Variants in UMAD1 observed in about 807,000 individuals in gnomAD.
The protein encoded by UMAD1 is UBAP1-MVB12-associated (UMA)-domain containing protein 1.
Under a neutral mutation model 6.1 loss-of-function variants are expected in UMAD1, and 8 were observed. That is an observed-to-expected ratio of 1.30 (90% CI 0.76 to 2.35). The LOEUF is 2.35. Among genes scored for constraint, UMAD1 ranks in the 30% most tolerant of loss-of-function variants. UMAD1 has a pLI of 0.00. For missense variants in UMAD1, 130 were observed against 78.4 expected, an observed-to-expected ratio of 1.66 and a Z score of -2.49; for synonymous variants, 56 against 31.4, an observed-to-expected ratio of 1.78 and a Z score of -2.61.
Position 7,849,039 on chromosome 7 carries a change from G to T in UMAD1, c.157-28242G>T, listed in dbSNP as rs1418378240. Reference sequence around the variant, plus strand: ...AAATATTTCCCTTATGTTGAAATTTGGGATAATGCTGAGTATGATGGACTT... The same window carrying T: ...AAATATTTCCCTTATGTTGAAATTTTGGATAATGCTGAGTATGATGGACTT... On this transcript the variant is annotated intron_variant, in intron 3 of 3. Coordinates refer to ENST00000682710, the MANE Select transcript of UMAD1 (RefSeq NM_001302348.2). 3.9e-5 allele frequency among the ~76,000 whole-genome samples: 6 copies of T among 152,054 alleles called. No individual in the cohort carries two copies. In the South Asian group the frequency reaches 8.3e-4, roughly 21 times the overall value.
intron 2 of UMAD1, chr7:7,740,829 C>G (rs1781448550): frequency 6.6e-6 from 1 of 152,132 alleles, no homozygotes; most frequent in Admixed American, 6.5e-5. Flanking sequence ...CTCCTTTTCT[C>G]TTTTAACCCA....
chr7:7,865,456 C>A (rs1051494512), intron 3 of UMAD1, among the ~76,000 whole-genome samples: 10 of 152,170 alleles, frequency 6.6e-5, no homozygotes, highest in Non-Finnish European at 1.3e-4. Context: ...CTCAGCCTAC[C>A]TCCTTGGGGA....
chr7:7,766,093 A>G (rs1435046940), intron 2 of UMAD1, among the ~76,000 whole-genome samples: 7 of 152,194 alleles, frequency 4.6e-5, no homozygotes, highest in Admixed American at 1.3e-4. Context: ...TAGAACCGAA[A>G]TGTAGCAGTT....
chr7:7,642,467 TGA>T (rs1784996606), intron 1 of UMAD1, among the ~76,000 whole-genome samples: 1 of 38,890 alleles, frequency 2.6e-5, no homozygotes, highest in African/African-American at 9.5e-5. Flanking sequence ...CCTGTAATAG[TGA>T]TTTTTTTTTT....
intron 2 of UMAD1, among the ~76,000 whole-genome samples, chr7:7,769,259 T>C (rs2115240856): frequency 6.6e-6 from 1 of 152,214 alleles, no homozygotes; most frequent in East Asian, 1.9e-4. Context: ...CTTCTGTCAA[T>C]TAGGGAGACT....
chr7:7,684,112 A>G (rs1779981981), intron 2 of UMAD1, among the ~76,000 whole-genome samples: 1 of 152,200 alleles, frequency 6.6e-6, no homozygotes, highest in Admixed American at 6.5e-5. Context: ...AAAATACCTA[A>G]TGCAATGTAA....
At chr7:7,641,654 G>A (rs1784977067) in intron 1 of UMAD1, 1 of 152,146 alleles carries the variant, frequency 6.6e-6, no homozygotes, top group African/African-American at 2.4e-5. Flanking sequence ...CGAAGCCGGC[G>A]GCCTTGCCAG....
chr7:7,670,650 C>T (rs1322165398), intron 1 of UMAD1, among the ~76,000 whole-genome samples: 1 of 152,186 alleles, frequency 6.6e-6, no homozygotes, highest in African/African-American at 2.4e-5. Flanking sequence ...CTGGCTGATA[C>T]ACAAGAGTCT....
chr7:7,816,872 C>G (rs545192104), intron 3 of UMAD1, among the ~76,000 whole-genome samples: 3 of 152,180 alleles, frequency 2.0e-5, no homozygotes, highest in Admixed American at 6.5e-5. Flanking sequence ...CCCTTAATGC[C>G]CAGTCCTACT....
intron 2 of UMAD1, among the ~76,000 whole-genome samples, chr7:7,688,913 T>C (rs183997441): frequency 1.2e-4 from 18 of 152,340 alleles, no homozygotes; most frequent in Non-Finnish European, 7.3e-5. Context: ...TTTTCTCCAA[T>C]GAAAATAAGT....
intron 3 of UMAD1, among the ~76,000 whole-genome samples, chr7:7,822,156 G>A (rs1182718791): frequency 6.6e-6 from 1 of 151,944 alleles, no homozygotes; most frequent in East Asian, 1.9e-4. Flanking sequence ...AAAAGCTTGT[G>A]TACTTTATTT....
intron 3 of UMAD1, among the ~76,000 whole-genome samples, chr7:7,838,076 T>G (rs1563248287): frequency 6.6e-6 from 1 of 151,928 alleles, no homozygotes; most frequent in Non-Finnish European, 1.5e-5. Flanking sequence ...AAAGAAAAAA[T>G]GTCATCAGAA....
chr7:7,742,157 T>C, intron 2 of UMAD1: 1 of 656,118 alleles, frequency 1.5e-6, no homozygotes, highest in Non-Finnish European at 2.9e-6. Flanking sequence ...ATGCCTTCTC[T>C]CCATCAGGCC....
chr7:7,804,955 TGGG>T (rs1265886293), intron 3 of UMAD1, among the ~76,000 whole-genome samples: 47 of 151,542 alleles, frequency 3.1e-4, no homozygotes, highest in African/African-American at 1.1e-3. Context: ...CACTCCAGCC[TGGG>T]CGACAGAGCG....
At chr7:7,759,947 G>A (rs1222925946) in intron 2 of UMAD1, among the ~76,000 whole-genome samples, 3 of 152,112 alleles carry the variant, frequency 2.0e-5, no homozygotes. Context: ...CCATTGAAAA[G>A]TTGTGTCGAC....
At chr7:7,738,344 A>G (rs17137001) in intron 2 of UMAD1, among the ~76,000 whole-genome samples, 12,458 of 152,268 alleles carry the variant, frequency 0.082, 574 homozygotes, top group African/African-American at 0.13. Context: ...GTATTCATCA[A>G]GTCATAAAAT....
chr7:7,704,779 A>AT (rs1288708430), intron 2 of UMAD1, among the ~76,000 whole-genome samples: 1 of 149,772 alleles, frequency 6.7e-6, no homozygotes, highest in Non-Finnish European at 1.5e-5. Flanking sequence ...AAAAAAAAAA[A>AT]AAAAAAAAAA....
chr7:7,834,798 G>C (rs1783535347), intron 3 of UMAD1, among the ~76,000 whole-genome samples: 1 of 152,146 alleles, frequency 6.6e-6, no homozygotes, highest in South Asian at 2.1e-4. Flanking sequence ...GGGGTGTGTA[G>C]GGTAGAGGAA....
rs1192162632 is a variant in UMAD1 at position 7,721,710 on chromosome 7, T to C, written c.82+48257T>C. Among the ~76,000 whole-genome samples the C allele has an allele frequency of 3.3e-5, 5 of 152,192 alleles. No homozygotes were observed. The South Asian group carries it at 8.3e-4, about 25-fold the overall frequency. On this transcript the variant is annotated intron_variant, in intron 2 of 3. Coordinates refer to ENST00000682710, the MANE Select transcript of UMAD1 (RefSeq NM_001302348.2). ...CCTTGATCTTTTTTGTGATTGTCCA[T>C]GAGGATTTTGCTACCTGCCCTCTCA...
Sources: gnomAD v4.1 joint callset for allele counts (sites outside exome capture counted in the v4.1 genomes callset) on GRCh38, gnomAD v4.1.1 for gene constraint, MANE v1.5 for transcripts, NCBI Gene and HGNC (gene_info 2026-07-23, HGNC 2026-07-21) for gene names.